Variants in ASH1L observed in about 807,000 individuals in gnomAD.
The protein encoded by ASH1L is histone-lysine N-methyltransferase ASH1L.
A neutral mutation model predicts 269.0 loss-of-function variants in ASH1L; 23 were observed. The ratio of observed to expected loss-of-function variants is 0.09; its 90% CI spans 0.06 to 0.12. ASH1L has a LOEUF of 0.12. ASH1L is among the 10% of genes least tolerant of loss of function. ASH1L has a pLI of 1.00. For synonymous variants in ASH1L, 1,187 were observed against 1,253.5 expected (o/e 0.95, Z 1.12); for missense variants, 2,912 against 3,567.8 (o/e 0.82, Z 4.68).
chr1:155,562,670 C>G lies in ASH1L; in HGVS notation c.-617G>C, dbSNP rs779476516. The G allele has an allele frequency of 5.3e-6, 8 of 1,523,122 alleles. No individual in the cohort carries two copies. The East Asian group carries it at 9.9e-5, about 19-fold the overall frequency. The allele number at this position is 1,523,122 out of a possible 1,614,324, so 94.4% of individuals were successfully genotyped here. On this transcript the variant is annotated 5_prime_UTR_variant, in exon 1 of 28. Coordinates refer to ENST00000392403, the MANE Select transcript of ASH1L (RefSeq NM_018489.3). ...CACCAACCACCACCTTCGGCCGCCC[C>G]GCGCGCCAGCCAGCCCGTACGCGCT...
chr1:155,411,591 ATATATATATATATATATAT>A (rs1659800227), intron 6 of ASH1L, among the ~76,000 whole-genome samples: 1 of 42,850 alleles, frequency 2.3e-5, no homozygotes, highest in African/African-American at 6.5e-5. Context: ...AAATAAATAT[ATATATATATATATATATAT>A]ATATATATGT....
At chr1:155,377,916 G>A (rs573290775) in intron 10 of ASH1L, among the ~76,000 whole-genome samples, 2 of 152,020 alleles carry the variant, frequency 1.3e-5, no homozygotes, top group Non-Finnish European at 2.9e-5. Context: ...CTGGCTACCA[G>A]GGAGGCTGAG....
At chr1:155,446,462 C>G (rs1273403888) in intron 4 of ASH1L, among the ~76,000 whole-genome samples, 1 of 151,426 alleles carries the variant, frequency 6.6e-6, no homozygotes, top group Non-Finnish European at 1.5e-5. Flanking sequence ...CCACGCCCGG[C>G]TAATTTTTGT....
At chr1:155,484,371 C>T (rs1415112645) in intron 2 of ASH1L, among the ~76,000 whole-genome samples, 1 of 151,990 alleles carries the variant, frequency 6.6e-6, no homozygotes, top group East Asian at 1.9e-4. Flanking sequence ...TGCCTGTTAT[C>T]TCAGCTACCG....
chr1:155,474,791 A>G (rs1401790425), intron 3 of ASH1L, among the ~76,000 whole-genome samples: 1 of 152,174 alleles, frequency 6.6e-6, no homozygotes, highest in African/African-American at 2.4e-5. Flanking sequence ...CCAATCTCCC[A>G]TATGTTCAGA....
rs1665748316 is a variant in ASH1L at position 155,478,747 on chromosome 1, TAGAAAG to T, written c.4117_4122del (p.Leu1373_Ser1374del). On this transcript the variant is annotated inframe_deletion, in exon 3 of 28. Coordinates refer to ENST00000392403, the MANE Select transcript of ASH1L (RefSeq NM_018489.3). The surrounding 1 kb of genome is among the most constrained non-coding windows in gnomAD (Gnocchi z 4.6). ...CCATAAGATGGATAGAATCCAGTAC[TAGAAAG>T]AGGAAAACTAAGGCTGTGCATAAAA... 5 of 1,613,986 alleles carry T rather than the reference TAGAAAG, an allele frequency of 3.1e-6. No individual in the cohort carries two copies. The highest frequency in any genetic ancestry group is 3.4e-6 in the Non-Finnish European group (4 of 1,180,024).
intron 20 of ASH1L, among the ~76,000 whole-genome samples, chr1:155,347,323 C>T (rs1368505891): frequency 6.6e-6 from 1 of 152,140 alleles, no homozygotes; most frequent in Non-Finnish European, 1.5e-5. Context: ...GGGAGGATTG[C>T]TTGAGCCTGG....
At chr1:155,385,767 G>A (rs919180743) in intron 7 of ASH1L, among the ~76,000 whole-genome samples, 2 of 152,142 alleles carry the variant, frequency 1.3e-5, no homozygotes, top group Non-Finnish European at 2.9e-5. Flanking sequence ...AGCAGAAAAG[G>A]GATAAAGCTG....
intron 10 of ASH1L, among the ~76,000 whole-genome samples, chr1:155,372,475 A>C (rs1014239658): frequency 5.4e-5 from 8 of 149,488 alleles, no homozygotes; most frequent in Non-Finnish European, 1.2e-4. Context: ...CGCCCAGCTA[A>C]TTTTCGTATT....
intron 2 of ASH1L, among the ~76,000 whole-genome samples, chr1:155,502,263 G>A (rs1667562990): frequency 6.6e-6 from 1 of 151,224 alleles, no homozygotes; most frequent in African/African-American, 2.4e-5. Context: ...GTAGAAATGG[G>A]GTTTCACCAT....
At chr1:155,450,215 A>G (rs1663363656) in intron 4 of ASH1L, among the ~76,000 whole-genome samples, 1 of 151,926 alleles carries the variant, frequency 6.6e-6, no homozygotes, top group Admixed American at 6.6e-5. Flanking sequence ...TAATTTTAAG[A>G]TTTTCTCTTT....
intron 1 of ASH1L, among the ~76,000 whole-genome samples, chr1:155,533,993 A>G (rs1669872533): frequency 6.6e-6 from 1 of 151,924 alleles, no homozygotes; most frequent in African/African-American, 2.4e-5. Context: ...TAACACAAAC[A>G]TGGTCCTTGG....
At chr1:155,397,522 A>G (rs923983805) in intron 6 of ASH1L, among the ~76,000 whole-genome samples, 2 of 151,526 alleles carry the variant, frequency 1.3e-5, no homozygotes, top group African/African-American at 4.9e-5. Context: ...AAAGAAAGAA[A>G]GATTGCCATC....
intron 2 of ASH1L, among the ~76,000 whole-genome samples, chr1:155,496,006 A>T (rs192003976): frequency 4.6e-4 from 70 of 152,358 alleles, no homozygotes; most frequent in South Asian, 1.7e-3. Context: ...CAATTAAAAA[A>T]AAATAAATAA....
intron 1 of ASH1L, among the ~76,000 whole-genome samples, chr1:155,560,772 G>A (rs554943416): frequency 1.3e-5 from 2 of 152,306 alleles, no homozygotes; most frequent in East Asian, 1.9e-4. Flanking sequence ...AGCTGTGAAA[G>A]CCTTCTCTCC....
At chr1:155,491,016 A>G (rs1220409866) in intron 2 of ASH1L, among the ~76,000 whole-genome samples, 1 of 98,678 alleles carries the variant, frequency 1.0e-5, no homozygotes, top group Admixed American at 1.1e-4. Context: ...AAAAAAAAAG[A>G]CTTCCTATTG....
chr1:155,339,010 G>C (rs1190534329), intron 26 of ASH1L, among the ~76,000 whole-genome samples: 1 of 152,170 alleles, frequency 6.6e-6, no homozygotes, highest in African/African-American at 2.4e-5. Flanking sequence ...CCTTGATAGA[G>C]GTACCAAGAG....
intron 7 of ASH1L, among the ~76,000 whole-genome samples, chr1:155,384,937 GTCTT>G (rs1657296062): frequency 6.6e-6 from 1 of 151,798 alleles, no homozygotes; most frequent in Non-Finnish European, 1.5e-5. Flanking sequence ...AAGCTCCTCA[GTCTT>G]TCTGTTTTTA....
chr1:155,470,043 G>GA (rs1377171834), intron 3 of ASH1L, among the ~76,000 whole-genome samples: 2 of 152,088 alleles, frequency 1.3e-5, no homozygotes, highest in Non-Finnish European at 2.9e-5. Context: ...TCTAGTGTAA[G>GA]AAACACGTGT....
Sources: gnomAD v4.1 joint callset for allele counts (sites outside exome capture counted in the v4.1 genomes callset) on GRCh38, gnomAD v4.1.1 for gene constraint, Gnocchi (gnomAD v3.1) non-coding constraint, MANE v1.5 for transcripts, NCBI Gene and HGNC (gene_info 2026-07-23, HGNC 2026-07-21) for gene names.